Variants in TNIK observed in about 807,000 individuals in gnomAD.
TNIK encodes the protein TRAF2 and NCK-interacting protein kinase.
A neutral mutation model predicts 191.3 loss-of-function variants in TNIK; 49 were observed. The observed-to-expected ratio is 0.26, with a 90% CI of 0.20 to 0.32. The LOEUF (loss-of-function observed/expected upper bound fraction) is 0.32. Among genes scored for constraint, TNIK ranks in the 10% least tolerant of loss-of-function variants. The pLI is 1.00. For synonymous variants in TNIK, 594 were observed against 600.9 expected (o/e 0.99, Z 0.17); for missense variants, 1,155 against 1,702.3 (o/e 0.68, Z 5.66).
At chr3:171,181,195 T>C (rs964915972) in intron 7 of TNIK, among the ~76,000 whole-genome samples, 14 of 152,230 alleles carry the variant, frequency 9.2e-5, no homozygotes, top group Non-Finnish European at 1.6e-4. Flanking sequence ...GTTTCCAATT[T>C]AGCTACATGC....
chr3:171,266,411 G>A (rs963270879), intron 2 of TNIK, among the ~76,000 whole-genome samples: 2 of 152,128 alleles, frequency 1.3e-5, no homozygotes, highest in Admixed American at 6.5e-5. Context: ...CCTTCTGGAG[G>A]AATCTTTCCC....
chr3:171,117,319 C>T (rs1048959199), intron 18 of TNIK, among the ~76,000 whole-genome samples: 4 of 152,162 alleles, frequency 2.6e-5, no homozygotes, highest in African/African-American at 9.7e-5. Context: ...CAAATTAGCA[C>T]AGAATGGTGC....
At chr3:171,364,898 C>G (rs1715476063) in intron 2 of TNIK, among the ~76,000 whole-genome samples, 1 of 151,956 alleles carries the variant, frequency 6.6e-6, no homozygotes, top group Non-Finnish European at 1.5e-5. Flanking sequence ...GAAGTGAGAA[C>G]AAGGTGCTCA....
rs763475499 is a variant in TNIK at position 171,216,628 on chromosome 3, C to G, written c.181-5387G>C. Reference sequence around the variant, plus strand: ...GTGTTCAAAGTTGGTGTATAACATACAGTTTGAGGTCTGCTTTTTAAATCA... The same window carrying G: ...GTGTTCAAAGTTGGTGTATAACATAGAGTTTGAGGTCTGCTTTTTAAATCA... On this transcript the variant is annotated intron_variant, in intron 3 of 32. Coordinates refer to ENST00000436636, the MANE Select transcript of TNIK (RefSeq NM_015028.4). 6.1e-4 allele frequency among the ~76,000 whole-genome samples: 93 copies of G among 152,206 alleles called. 2 individuals carry two copies. The highest frequency in any genetic ancestry group is 6.8e-3 in the Middle Eastern group (2 of 294).
chr3:171,176,858 G>A (rs1443153508), intron 8 of TNIK, among the ~76,000 whole-genome samples: 3 of 152,256 alleles, frequency 2.0e-5, no homozygotes, highest in Non-Finnish European at 4.4e-5. Context: ...TGGAGCCCTA[G>A]CCACTCTGTC....
chr3:171,310,121 T>A (rs947805474), intron 2 of TNIK, among the ~76,000 whole-genome samples: 4 of 152,030 alleles, frequency 2.6e-5, no homozygotes, highest in Non-Finnish European at 5.9e-5. Context: ...CCTACTTTTT[T>A]AAAAAATTGA....
chr3:171,120,009 G>A (rs1727413025), intron 18 of TNIK, among the ~76,000 whole-genome samples: 1 of 152,204 alleles, frequency 6.6e-6, no homozygotes, highest in Admixed American at 6.5e-5. Context: ...CAGTGGAAGA[G>A]TGACATAATA....
chr3:171,453,518 C>T (rs1307411574), intron 1 of TNIK, among the ~76,000 whole-genome samples: 2 of 151,828 alleles, frequency 1.3e-5, no homozygotes, highest in East Asian at 1.9e-4. Flanking sequence ...TCTGAATTGC[C>T]GCTGGTCTTA....
chr3:171,420,337 C>A (rs529332936), intron 1 of TNIK, among the ~76,000 whole-genome samples: 3 of 152,108 alleles, frequency 2.0e-5, no homozygotes, highest in Non-Finnish European at 2.9e-5. Flanking sequence ...TGTGAATAAA[C>A]AATAAAACTG....
At chr3:171,099,108 T>C (rs967852140) in intron 22 of TNIK, among the ~76,000 whole-genome samples, 16 of 152,170 alleles carry the variant, frequency 1.1e-4, no homozygotes, top group African/African-American at 3.1e-4. Context: ...CAGATTATAG[T>C]AATAGCGCCT....
intron 4 of TNIK, among the ~76,000 whole-genome samples, chr3:171,209,325 C>T (rs1183908198): frequency 6.6e-6 from 1 of 152,008 alleles, no homozygotes; most frequent in African/African-American, 2.4e-5. Flanking sequence ...TTCCTTAACT[C>T]AATCTTGCTA....
chr3:171,259,743 T>C (rs1163237377), intron 2 of TNIK, among the ~76,000 whole-genome samples: 2 of 152,136 alleles, frequency 1.3e-5, no homozygotes, highest in Non-Finnish European at 2.9e-5. Flanking sequence ...CAGGCACCCT[T>C]TATAATATCA....
chr3:171,080,738 C>T (rs1007287927), intron 27 of TNIK, among the ~76,000 whole-genome samples: 2 of 152,140 alleles, frequency 1.3e-5, no homozygotes, highest in Non-Finnish European at 1.5e-5. Flanking sequence ...GAATATATAC[C>T]AGCAGAAGAG....
At chr3:171,161,235 G>T in intron 11 of TNIK, 35 bp downstream of exon 11, 1 of 1,596,718 alleles carries the variant, frequency 6.3e-7, no homozygotes, top group Non-Finnish European at 8.6e-7. Context: ...AATTCAGAAT[G>T]TGAACATTAG....
chr3:171,083,582 G>A lies in TNIK; in HGVS notation c.3169+573C>T, dbSNP rs138758614. On this transcript the variant is annotated intron_variant, in intron 26 of 32. Coordinates refer to ENST00000436636, the MANE Select transcript of TNIK (RefSeq NM_015028.4). ...CTGCAGATCTTTTTCACGAGAAAAT[G>A]CAGATTGATGTTTTAAACTAAAAGG... Among the ~76,000 whole-genome samples the A allele has an allele frequency of 4.0e-3, 603 of 152,298 alleles. 8 individuals are homozygous for A. Among genetic ancestry groups the A allele is most frequent in the Non-Finnish European group, 2.5e-3 (168 of 68,008 alleles).
intron 2 of TNIK, among the ~76,000 whole-genome samples, chr3:171,368,335 A>G (rs1716030507): frequency 6.6e-6 from 1 of 152,238 alleles, no homozygotes; most frequent in African/African-American, 2.4e-5. Flanking sequence ...TACCTAAGTC[A>G]GAGCTTAATT....
intron 3 of TNIK, among the ~76,000 whole-genome samples, chr3:171,212,155 A>G (rs563716533): frequency 9.2e-5 from 14 of 152,170 alleles, no homozygotes; most frequent in African/African-American, 3.4e-4. Context: ...CTGAAAAACT[A>G]CCCATGGTGT....
intron 15 of TNIK, among the ~76,000 whole-genome samples, chr3:171,129,136 G>A (rs886460078): frequency 6.6e-6 from 1 of 152,124 alleles, no homozygotes. Context: ...CAGGGAATTC[G>A]TGACCTGCTA....
intron 4 of TNIK, among the ~76,000 whole-genome samples, chr3:171,201,422 T>TAAATAA (rs1739390177): frequency 6.6e-6 from 1 of 151,568 alleles, no homozygotes; most frequent in African/African-American, 2.4e-5. Flanking sequence ...TAAATAAATA[T>TAAATAA]AAATAAAAAT....
Sources: allele counts gnomAD v4.1 joint callset (sites outside exome capture counted in the v4.1 genomes callset), GRCh38; gene constraint gnomAD v4.1.1; transcripts MANE v1.5; gene names NCBI Gene and HGNC (gene_info 2026-07-23, HGNC 2026-07-21).